HEATR3: variants seen among roughly 807,000 people sequenced by gnomAD.
HEATR3 encodes HEAT repeat-containing protein 3.
HEATR3 carries 56 observed loss-of-function variants against 72.8 expected under a neutral mutation model. That is an observed-to-expected ratio of 0.77 (90% CI 0.62 to 0.96). The LOEUF (loss-of-function observed/expected upper bound fraction) is 0.96, where lower values mean the gene tolerates loss of function less well. Among genes scored for constraint, HEATR3 ranks in the 40% least tolerant of loss-of-function variants. The probability of loss-of-function intolerance (pLI) is 0.00; values close to 1 mark genes in which losing one functional copy is unlikely to be tolerated. For missense variants in HEATR3, 747 were observed against 831.4 expected, an observed-to-expected ratio of 0.90 and a Z score of 1.25; for synonymous variants, 331 against 318.1, an observed-to-expected ratio of 1.04 and a Z score of -0.43.
rs140704999 is a variant in HEATR3 at position 50,098,525 on chromosome 16, G to A, written c.1600-1705G>A. Among the ~76,000 whole-genome samples the A allele has an allele frequency of 2.0e-4, 30 of 152,114 alleles. No homozygotes were observed. In the East Asian group the frequency reaches 3.7e-3, roughly 19 times the overall value. On this transcript the variant is annotated intron_variant, in intron 12 of 14. Transcript: ENST00000299192. ...CAAAAAATTAGCCGGGTGTGGTGGC[G>A]GGTGCCTGTAGTTCTGGCTACTCAG...
At chr16:50,076,619 C>T (rs926023023) in intron 6 of HEATR3, among the ~76,000 whole-genome samples, 2 of 152,012 alleles carry the variant, frequency 1.3e-5, no homozygotes, top group African/African-American at 4.8e-5. Context: ...CTCACTGCAG[C>T]CTCCACCTCC....
intron 6 of HEATR3, among the ~76,000 whole-genome samples, chr16:50,076,752 C>T (rs1044398158): frequency 1.9e-4 from 29 of 149,156 alleles, no homozygotes; most frequent in Non-Finnish European, 3.4e-4. Flanking sequence ...CAGGCTGGAA[C>T]GCAGTGGTGC....
Position 50,105,068 on chromosome 16 carries a change from C to T in HEATR3, c.*7C>T. 1.2e-6 allele frequency: 2 copies of T among 1,605,920 alleles called. No homozygotes were observed. The highest frequency in any genetic ancestry group is 1.7e-5 in the Admixed American group (1 of 57,656). Reference sequence around the variant, plus strand: ...GAAAAGACTGACTTCTTAAACAATCCAAAAAAGAAACCAGTTCTTCCCCCA... The same window carrying T: ...GAAAAGACTGACTTCTTAAACAATCTAAAAAAGAAACCAGTTCTTCCCCCA... On this transcript the variant is annotated 3_prime_UTR_variant, in exon 15 of 15. Coordinates refer to ENST00000299192, the MANE Select transcript of HEATR3 (RefSeq NM_182922.4).
chr16:50,080,450 C>T (rs1184716834), intron 7 of HEATR3, among the ~76,000 whole-genome samples: 3 of 151,602 alleles, frequency 2.0e-5, no homozygotes, highest in Non-Finnish European at 4.4e-5. Context: ...GAGCAATTCT[C>T]CTGCCTTAGC....
At chr16:50,103,543 G>A (rs2037413793) in intron 14 of HEATR3, among the ~76,000 whole-genome samples, 1 of 152,194 alleles carries the variant, frequency 6.6e-6, no homozygotes, top group African/African-American at 2.4e-5. Flanking sequence ...ATCAGCCCTT[G>A]CCTGATAACT....
chr16:50,086,007 A>C (rs1157147490), intron 10 of HEATR3, among the ~76,000 whole-genome samples: 3 of 152,212 alleles, frequency 2.0e-5, no homozygotes, highest in Admixed American at 1.3e-4. Context: ...CAGCCTGGGC[A>C]ACAGAGTAAG....
Position 50,084,165 on chromosome 16 carries a change from T to A in HEATR3, c.1164T>A (p.Ser388=). Residue 388 remains serine, a synonymous_variant, in exon 9 of 15, where the codon TCT becomes TCA. Coordinates refer to ENST00000299192, the MANE Select transcript of HEATR3 (RefSeq NM_182922.4). ...CTGATGACGAATGGGAAGAGCTTTC[T>A]AGCAGTGATGAAAGTGACGCATTTA... ...DPSDDEWEEL[S]SSDESDAFME... The A allele has an allele frequency of 6.2e-7, 1 of 1,614,208 alleles. No homozygotes were observed. Among genetic ancestry groups the A allele is most frequent in the Admixed American group, 1.7e-5 (1 of 60,026 alleles).
At chr16:50,103,876 T>C (rs1244046379) in intron 14 of HEATR3, among the ~76,000 whole-genome samples, 2 of 151,650 alleles carry the variant, frequency 1.3e-5, no homozygotes, top group Non-Finnish European at 2.9e-5. Flanking sequence ...AAAATTTTTT[T>C]AAGTTAGCCA....
intron 5 of HEATR3, among the ~76,000 whole-genome samples, chr16:50,075,313 C>CAAAA (rs60094512): frequency 3.3e-5 from 4 of 121,134 alleles, no homozygotes; most frequent in South Asian, 2.8e-4. Flanking sequence ...AAGACTGTCT[C>CAAAA]AAAAAAAAAA....
At chr16:50,074,776 A>G (rs180688881) in intron 5 of HEATR3, 3,759 of 151,878 alleles carry the variant, frequency 0.025, 147 homozygotes, top group African/African-American at 0.085. Flanking sequence ...AGGTCAGGAG[A>G]TCGAGACCAT....
intron 11 of HEATR3, among the ~76,000 whole-genome samples, chr16:50,088,606 A>C (rs969939080): frequency 1.3e-5 from 2 of 152,170 alleles, no homozygotes; most frequent in South Asian, 2.1e-4. Flanking sequence ...TAGCCTCCTA[A>C]ACCTGGAAGA....
intron 12 of HEATR3, among the ~76,000 whole-genome samples, chr16:50,097,090 T>C (rs549130978): frequency 6.6e-6 from 1 of 152,212 alleles, no homozygotes; most frequent in South Asian, 2.1e-4. Context: ...TTTTTGTATT[T>C]ATAATAAATA....
rs755745518 is a variant in HEATR3 at position 50,084,670 on chromosome 16, T to G, written c.1373+19T>G. On this transcript the variant is annotated intron_variant, in intron 10 of 14. Coordinates refer to ENST00000299192, the MANE Select transcript of HEATR3 (RefSeq NM_182922.4). The stretch of plus-strand genomic sequence containing the variant: ...TTAGAAAGTAAGAACTCTTCTGCTT[T>G]CAAAAACATTTGTCATTATTTTATT... 1.3e-6 allele frequency: 2 copies of G among 1,509,094 alleles called. No homozygotes were observed. The highest frequency in any genetic ancestry group is 1.8e-6 in the Non-Finnish European group (2 of 1,091,534). The allele number at this position is 1,509,094 out of a possible 1,614,324, so 93.5% of individuals were successfully genotyped here.
rs1300507876 is a variant in HEATR3 at position 50,068,855 on chromosome 16, G to A, written c.387G>A (p.Ala129=). Residue 129 remains alanine (A), a synonymous_variant, in exon 3 of 15, where the codon GCG becomes GCA. Coordinates refer to ENST00000299192, the MANE Select transcript of HEATR3 (RefSeq NM_182922.4). ...AGGATATCATGACCCCTCTGGTTGC[G>A]CTGCTAAAAGAGGTATGCAGTTTTT... is the stretch of plus-strand genomic sequence containing the variant. ...VTKDIMTPLV[A]LLKECSAGLD... 5.6e-6 allele frequency: 9 copies of A among 1,612,742 alleles called. No homozygotes were observed. The highest frequency in any genetic ancestry group is 1.7e-5 in the Admixed American group (1 of 59,926).
At chr16:50,086,153 A>G in intron 10 of HEATR3, 62 bp from the exon 11 acceptor site, 1 of 1,470,974 alleles carries the variant, frequency 6.8e-7, no homozygotes. Flanking sequence ...CTAAAAGTTA[A>G]TACTGAATTC....
In HEATR3 at chr16:50,084,225, G is replaced by C. The variant is rs746728182; in HGVS notation, c.1224G>C (p.Leu408=). ...CCTTCAGTGAGTGCGGGGGACAGCTGTTTTCTCCCCTCTGCCTCTCCCATG... is the reference window on the plus strand; with the variant it reads ...CCTTCAGTGAGTGCGGGGGACAGCTCTTTTCTCCCCTCTGCCTCTCCCATG... ...ENSFSECGGQ[L]FSPLCLSHEV... is the part of the protein sequence containing the mutation. Residue 408 remains leucine (L), a synonymous_variant, in exon 9 of 15, where the codon CTG becomes CTC. Coordinates refer to ENST00000299192, the MANE Select transcript of HEATR3 (RefSeq NM_182922.4). The C allele has an allele frequency of 1.9e-6, 3 of 1,614,094 alleles. No homozygotes were observed. The highest frequency in any genetic ancestry group is 2.5e-6 in the Non-Finnish European group (3 of 1,180,000).
At chr16:50,084,393 A>G (rs1041223526) in intron 9 of HEATR3, 102 bp downstream of exon 9, 4 of 1,389,626 alleles carry the variant, frequency 2.9e-6, no homozygotes, top group Non-Finnish European at 3.9e-6. Context: ...TCCAGGTTGT[A>G]GATGGTGGTA....
chr16:50,088,049 C>G (rs1254329926), intron 11 of HEATR3, among the ~76,000 whole-genome samples: 3 of 152,158 alleles, frequency 2.0e-5, no homozygotes, highest in African/African-American at 7.2e-5. Context: ...ATCGCTTGAA[C>G]CCGGGAGGCG....
chr16:50,086,667 T>C (rs1004637812), intron 11 of HEATR3, among the ~76,000 whole-genome samples: 2 of 152,196 alleles, frequency 1.3e-5, no homozygotes, highest in East Asian at 3.9e-4. Context: ...CGGTGGCTCA[T>C]GCCTGTAGTC....
Sources: gnomAD v4.1 joint callset for allele counts (sites outside exome capture counted in the v4.1 genomes callset) on GRCh38, gnomAD v4.1.1 for gene constraint, MANE v1.5 for transcripts, NCBI Gene and HGNC (gene_info 2026-07-23, HGNC 2026-07-21) for gene names.